Variants in CAPN14 observed in about 807,000 individuals in gnomAD.
CAPN14 encodes calpain 14.
CAPN14 carries 94 observed loss-of-function variants against 101.3 expected under a neutral mutation model. The observed-to-expected ratio is 0.93, with a 90% confidence interval of 0.79 to 1.10. The LOEUF (loss-of-function observed/expected upper bound fraction) is 1.10, where lower values mean the gene tolerates loss of function less well. Among genes scored for constraint, CAPN14 ranks in the 50% least tolerant of loss-of-function variants. CAPN14 has a pLI of 0.00. For synonymous variants in CAPN14, 338 were observed against 317.9 expected (o/e 1.06, Z -0.67); for missense variants, 837 against 828.4 (o/e 1.01, Z -0.13).
chr2:31,222,005 C>T (rs1041987214), upstream of CAPN14, among the ~76,000 whole-genome samples: 4 of 152,170 alleles, frequency 2.6e-5, no homozygotes, highest in African/African-American at 9.7e-5. Context: ...AAAGGAATTC[C>T]TCACCTTAAC....
intron 6 of CAPN14, among the ~76,000 whole-genome samples, chr2:31,199,965 C>G (rs1341701172): frequency 6.6e-6 from 1 of 152,154 alleles, no homozygotes; most frequent in Non-Finnish European, 1.5e-5. Context: ...TTCCTACTGC[C>G]TTGCCTGTCC....
At chr2:31,180,894 T>G (rs1406586778) in intron 17 of CAPN14, 42 bp downstream of exon 17, 2 of 1,512,774 alleles carry the variant, frequency 1.3e-6, no homozygotes, top group East Asian at 4.9e-5. Flanking sequence ...AGTGAAGCTC[T>G]CAACCAACAG....
intron 2 of CAPN14, among the ~76,000 whole-genome samples, chr2:31,223,264 G>A (rs1264219723): frequency 2.0e-5 from 3 of 152,180 alleles, no homozygotes; most frequent in South Asian, 2.1e-4. Flanking sequence ...GCAATACCAC[G>A]GTACTAAATT....
At position 31,174,345 on chromosome 2, in the gene CAPN14, G is replaced by A. The variant is rs982773312; in HGVS notation, c.*336C>T. ...AGTCACTTGAGTTTGCAGCCACAGAGGCAGTGTTGTATGGAGGCTAACCAC... is the reference window on the plus strand; with the variant it reads ...AGTCACTTGAGTTTGCAGCCACAGAAGCAGTGTTGTATGGAGGCTAACCAC... On this transcript the variant is annotated 3_prime_UTR_variant, in exon 22 of 22. Coordinates refer to ENST00000403897, the MANE Select transcript of CAPN14 (RefSeq NM_001145122.2). The A allele has an allele frequency of 2.3e-6, 1 of 433,120 alleles. No homozygotes were observed. The highest frequency in any genetic ancestry group is 4.2e-6 in the Non-Finnish European group (1 of 240,846). 26.8% of individuals were successfully genotyped at this position (433,120 alleles called of 1,614,324 possible).
intron 11 of CAPN14, 60 bp from the exon 12 acceptor site, chr2:31,191,467 A>T: frequency 6.7e-7 from 1 of 1,493,758 alleles, no homozygotes; most frequent in Non-Finnish European, 9.0e-7. Context: ...GATCTCATTA[A>T]GCAGGGAATC....
At chr2:31,202,719 T>A (rs1681858420) in intron 3 of CAPN14, among the ~76,000 whole-genome samples, 1 of 152,130 alleles carries the variant, frequency 6.6e-6, no homozygotes, top group Non-Finnish European at 1.5e-5. Flanking sequence ...TCTGCTTTGA[T>A]CCTATTCTGG....
chr2:31,180,211 G>A (rs987167586), intron 17 of CAPN14, among the ~76,000 whole-genome samples: 32 of 152,182 alleles, frequency 2.1e-4, no homozygotes, highest in African/African-American at 6.3e-4. Context: ...TGAAATGAGC[G>A]CTTGGAGAGG....
At position 31,209,155 on chromosome 2, in the gene CAPN14, T is replaced by C. The variant is rs560709092; in HGVS notation, c.-52-3656A>G. Among the ~76,000 whole-genome samples the C allele has an allele frequency of 9.7e-3, 1,459 of 150,310 alleles. 31 individuals carry two copies. Among genetic ancestry groups the C allele is most frequent in the African/African-American group, 0.031 (1,281 of 40,670 alleles). On this transcript the variant is annotated intron_variant, in intron 1 of 21. Coordinates refer to ENST00000403897, the MANE Select transcript of CAPN14 (RefSeq NM_001145122.2). ...CAGCTAACTTTTTTTTTTTTTTTTT[T>C]CTGGAGAGATGAGGTCTTGCTGTGT... is the stretch of plus-strand genomic sequence containing the variant.
chr2:31,202,743 T>G (rs960680130), intron 3 of CAPN14, among the ~76,000 whole-genome samples: 2 of 152,158 alleles, frequency 1.3e-5, no homozygotes, highest in African/African-American at 2.4e-5. Flanking sequence ...GGCTAATGAC[T>G]GCTGTCTCAA....
intron 20 of CAPN14, 93 bp from the exon 21 acceptor site, chr2:31,176,735 C>T: frequency 8.2e-7 from 1 of 1,213,792 alleles, no homozygotes; most frequent in East Asian, 2.5e-5. Context: ...TAACCACATC[C>T]ATTCTGAAAA....
chr2:31,176,663 G>T, intron 20 of CAPN14, 21 bp from the exon 21 acceptor site: 1 of 1,542,820 alleles, frequency 6.5e-7, no homozygotes, highest in Non-Finnish European at 8.8e-7. Context: ...GCAGCAGAAA[G>T]GAATACAGCT....
In CAPN14 at chr2:31,187,805, C is replaced by T. The variant is rs1393921185; in HGVS notation, c.1540G>A (p.Asp514Asn). ...SGVVFSKEIEDQNERQDEFFT... is the reference protein window; with the variant it reads ...SGVVFSKEIENQNERQDEFFT... ...AATTCATCCTGCCTTTCATTTTGGT[C>T]TTCTATCTCCTATAGGAAGAGACAC... The change falls in exon 15 of 22, where the codon GAC (aspartate) becomes AAC (asparagine). Residue 514 changes from aspartate (D) to asparagine (N), a missense_variant. Transcript: ENST00000403897. 3.9e-6 allele frequency: 6 copies of T among 1,550,744 alleles called. No homozygotes were observed. The Admixed American group carries it at 1.2e-4, about 30-fold the overall frequency.
intron 5 of CAPN14, among the ~76,000 whole-genome samples, chr2:31,201,175 A>C (rs539101582): frequency 7.2e-6 from 1 of 139,066 alleles, no homozygotes; most frequent in Non-Finnish European, 1.6e-5. Context: ...GTGTGCGTGC[A>C]TGTATGTGCA....
Position 31,205,354 on chromosome 2 carries a change from C to A in CAPN14, c.94G>T (p.Ala32Ser). The change falls in exon 2 of 22, where the codon GCC becomes TCC. Residue 32 changes from alanine (A) to serine (S), a missense_variant. By Grantham distance (99) the Ala-to-Ser change is moderately conservative. Coordinates refer to ENST00000403897, the MANE Select transcript of CAPN14 (RefSeq NM_001145122.2). ...SPQQPQQDFE[A>S]LLAECLRNGC... Reference sequence around the variant, plus strand: ...TTCCTCAGGCACTCTGCCAGCAGGGCCTCAAAGTCCTGTTGGGGTTGCTGT... The same window carrying A: ...TTCCTCAGGCACTCTGCCAGCAGGGACTCAAAGTCCTGTTGGGGTTGCTGT... The A allele has an allele frequency of 1.3e-6, 2 of 1,551,436 alleles. No individual in the cohort carries two copies. Among genetic ancestry groups the A allele is most frequent in the South Asian group, 1.2e-5 (1 of 84,044 alleles).
At chr2:31,183,566 G>T (rs1334915005) in intron 16 of CAPN14, among the ~76,000 whole-genome samples, 1 of 152,040 alleles carries the variant, frequency 6.6e-6, no homozygotes, top group Non-Finnish European at 1.5e-5. Context: ...CATTTATGCA[G>T]CCAAAAAACA....
Position 31,193,238 on chromosome 2 carries a change from G to C in CAPN14, c.1007C>G (p.Thr336Ser). 2.6e-6 allele frequency: 4 copies of C among 1,551,766 alleles called. No individual in the cohort carries two copies. Among genetic ancestry groups the C allele is most frequent in the Non-Finnish European group, 3.5e-6 (4 of 1,147,018 alleles). Residue 336 changes from threonine to serine, a missense_variant, in exon 10 of 22, where the codon ACC (threonine) becomes AGC (serine). Coordinates refer to ENST00000403897, the MANE Select transcript of CAPN14 (RefSeq NM_001145122.2). ...CGCCTCCTGGCTCAACAGGCCTGGG[G>C]TCAGTTTACAGATAACCAGGAGCAC... ...HFVLLVICKL[T>S]PGLLSQEAAQ...
intron 17 of CAPN14, 108 bp downstream of exon 17, chr2:31,180,828 T>C (rs1408165355): frequency 1.1e-6 from 1 of 917,854 alleles, no homozygotes. Flanking sequence ...TTGTCCAGGA[T>C]CCCACAATTA....
chr2:31,177,149 T>C lies in CAPN14; in HGVS notation c.1856-7A>G. 2 of 1,545,966 alleles carry C rather than the reference T, an allele frequency of 1.3e-6. No individual in the cohort carries two copies. Among genetic ancestry groups the C allele is most frequent in the Non-Finnish European group, 1.8e-6 (2 of 1,142,576 alleles). ...TCATCACTGAGCATGATTCCTGCAT[T>C]GAGCACAAGCTCCTGCTGTGGGTAT... is the stretch of plus-strand genomic sequence containing the variant. On this transcript the variant is annotated splice_polypyrimidine_tract_variant and splice_region_variant and intron_variant, in intron 19 of 21. Coordinates refer to ENST00000403897, the MANE Select transcript of CAPN14 (RefSeq NM_001145122.2).
chr2:31,230,423 C>T lies in CAPN14; in HGVS notation c.-177+3368G>A, dbSNP rs1683155700. On this transcript the variant is annotated intron_variant and NMD_transcript_variant, in intron 1 of 21. Coordinates refer to the CAPN14 transcript ENST00000398824. The surrounding 1 kb of genome is among the most constrained non-coding windows in gnomAD (Gnocchi z 4.3). ...TAGGACATGCACATCTTCAGCTTCA[C>T]TAAGCAATGCCAAACTGTTTCCCAA... Among the ~76,000 whole-genome samples the T allele has an allele frequency of 6.6e-6, 1 of 152,216 alleles. No individual in the cohort carries two copies. The highest frequency in any genetic ancestry group is 1.5e-5 in the Non-Finnish European group (1 of 68,044).
Sources: allele counts gnomAD v4.1 joint callset (sites outside exome capture counted in the v4.1 genomes callset), GRCh38; gene constraint gnomAD v4.1.1; non-coding constraint Gnocchi (gnomAD v3.1); transcripts MANE v1.5; gene names NCBI Gene and HGNC (gene_info 2026-07-23, HGNC 2026-07-21).